LRRC40: variants seen among roughly 807,000 people sequenced by gnomAD.
LRRC40 encodes leucine rich repeat containing 40, also known as leucine-rich repeat-containing protein 40.
A neutral mutation model predicts 72.8 loss-of-function variants in LRRC40; 76 were observed. That is an observed-to-expected ratio of 1.04 (90% CI 0.87 to 1.26). LRRC40 has a LOEUF of 1.26. LRRC40 is among the 50% of genes most tolerant of loss of function. LRRC40 has a pLI of 0.00. For missense variants in LRRC40, 684 were observed against 698.9 expected, an observed-to-expected ratio of 0.98 and a Z score of 0.24; for synonymous variants, 243 against 254.2, an observed-to-expected ratio of 0.96 and a Z score of 0.42.
Position 70,175,906 on chromosome 1 carries a change from A to C in LRRC40, c.881T>G (p.Leu294Arg), listed in dbSNP as rs1668093472. 2 of 1,602,356 alleles carry C rather than the reference A, an allele frequency of 1.2e-6. No individual in the cohort carries two copies. The highest frequency in any genetic ancestry group is 3.5e-5 in the Admixed American group (2 of 57,058). The change falls in exon 7 of 15, where the codon CTA becomes CGA. Residue 294 changes from leucine (L) to arginine (R), a missense_variant. Coordinates refer to ENST00000370952, the MANE Select transcript of LRRC40 (RefSeq NM_017768.5). ...HLKHLNSILV[L>R]DLRDNKLKSV... ...TTTTAACTTGTTATCCCTCAGGTCT[A>C]GCACAAGAATTGAATTCAGATGTTT...
chr1:70,188,348 A>C (rs1436115912), intron 2 of LRRC40, among the ~76,000 whole-genome samples: 1 of 152,144 alleles, frequency 6.6e-6, no homozygotes, highest in African/African-American at 2.4e-5. Flanking sequence ...AAACACAAAA[A>C]AATTAAGTTC....
chr1:70,196,737 T>G (rs566128173), intron 1 of LRRC40, among the ~76,000 whole-genome samples: 1 of 152,182 alleles, frequency 6.6e-6, no homozygotes, highest in African/African-American at 2.4e-5. Context: ...GTGGAGCCAA[T>G]AGCAGGATTG....
chr1:70,164,682 G>T (rs1667841309), intron 9 of LRRC40, among the ~76,000 whole-genome samples: 1 of 152,126 alleles, frequency 6.6e-6, no homozygotes, highest in African/African-American at 2.4e-5. Context: ...ATTCCAACTT[G>T]AGATGCTCTT....
At chr1:70,152,288 T>G (rs1667517925) in intron 12 of LRRC40, 145 bp downstream of exon 12, 1 of 499,344 alleles carries the variant, frequency 2.0e-6, no homozygotes, top group Non-Finnish European at 3.6e-6. Flanking sequence ...AACACTATTT[T>G]TGGATTCTCC....
chr1:70,182,860 C>A (rs537406694), intron 4 of LRRC40, among the ~76,000 whole-genome samples: 1 of 152,054 alleles, frequency 6.6e-6, no homozygotes, highest in Middle Eastern at 3.2e-3. Flanking sequence ...GAACACAATT[C>A]TGAAATGAAA....
intron 1 of LRRC40, among the ~76,000 whole-genome samples, chr1:70,191,124 G>GAA (rs901368397): frequency 7.2e-6 from 1 of 139,850 alleles, no homozygotes; most frequent in African/African-American, 2.6e-5. Flanking sequence ...TGTGACTCTT[G>GAA]AAAAAAAAAA....
chr1:70,167,206 G>A (rs115938246), intron 9 of LRRC40, among the ~76,000 whole-genome samples: 4,390 of 144,828 alleles, frequency 0.03, 85 homozygotes, highest in Non-Finnish European at 0.047. Flanking sequence ...AATCTGCTCC[G>A]CAGAAAAGCT....
rs114533453 is a variant in LRRC40 at position 70,160,132 on chromosome 1, A to C, written c.1112-694T>G. 2.0e-3 allele frequency among the ~76,000 whole-genome samples: 297 copies of C among 152,292 alleles called. 2 individuals carry two copies. Among genetic ancestry groups the C allele is most frequent in the Non-Finnish European group, 3.6e-3 (243 of 68,024 alleles). On this transcript the variant is annotated intron_variant, in intron 9 of 14. Coordinates refer to ENST00000370952, the MANE Select transcript of LRRC40 (RefSeq NM_017768.5). ...AAATGGCTTTGTGTTATTTTTGCAAAAAAGACTTGAACGATAGAGAAGTAA... is the reference window on the plus strand; with the variant it reads ...AAATGGCTTTGTGTTATTTTTGCAACAAAGACTTGAACGATAGAGAAGTAA...
At chr1:70,167,405 CA>C (rs943474966) in intron 9 of LRRC40, among the ~76,000 whole-genome samples, 3 of 151,090 alleles carry the variant, frequency 2.0e-5, no homozygotes, top group East Asian at 2.0e-4. Flanking sequence ...ACTAAAAATA[CA>C]AAAAAAATTA....
At position 70,181,153 on chromosome 1, in the gene LRRC40, A is replaced by C; in HGVS notation, c.594T>G (p.Ser198Arg). ...TVPASFSSLS[S>R]LVRLNLSSNE... is the part of the protein sequence containing the mutation. Reference sequence around the variant, plus strand: ...TACTAGAAAGATTGAGTCGCACCAGACTGGACAGAGAAGAAAAACTAGCAG... The same window carrying C: ...TACTAGAAAGATTGAGTCGCACCAGCCTGGACAGAGAAGAAAAACTAGCAG... The change falls in exon 5 of 15, where the codon AGT becomes AGG. Residue 198 changes from serine (S) to arginine (R), a missense_variant. Ser to Arg is a moderately radical substitution (Grantham distance 110). Coordinates refer to ENST00000370952, the MANE Select transcript of LRRC40 (RefSeq NM_017768.5). 1 of 1,599,932 alleles carries C rather than the reference A, an allele frequency of 6.3e-7. No homozygotes were observed.
chr1:70,197,262 G>A (rs1160763037), intron 1 of LRRC40, among the ~76,000 whole-genome samples: 1 of 151,610 alleles, frequency 6.6e-6, no homozygotes, highest in Non-Finnish European at 1.5e-5. Context: ...CGGGGGGGAG[G>A]AAGATGTATA....
chr1:70,145,678 G>A lies in LRRC40; in HGVS notation c.*122C>T, dbSNP rs1667268317. ...ATTATACCAACAGGTAGGTGATACT[G>A]GGAAACTACAAGATCAATTACAATA... On this transcript the variant is annotated 3_prime_UTR_variant, in exon 15 of 15. Coordinates refer to ENST00000370952, the MANE Select transcript of LRRC40 (RefSeq NM_017768.5). The A allele has an allele frequency of 1.9e-6, 1 of 520,830 alleles. No individual in the cohort carries two copies. Among genetic ancestry groups the A allele is most frequent in the Non-Finnish European group, 3.4e-6 (1 of 289,948 alleles). The allele number at this position is 520,830 out of a possible 1,614,324, so 32.3% of individuals were successfully genotyped here. A position where few individuals can be genotyped will look rare whatever the true frequency, so the allele number is the denominator to read the frequency against.
At chr1:70,180,640 T>C in intron 5 of LRRC40, among the ~76,000 whole-genome samples, 1 of 152,310 alleles carries the variant, frequency 6.6e-6, no homozygotes, top group Middle Eastern at 3.4e-3. Context: ...TTTGACATTT[T>C]GGTTCTTTTA....
At chr1:70,189,403 A>G in intron 1 of LRRC40, 130 bp from the exon 2 acceptor site, 1 of 744,166 alleles carries the variant, frequency 1.3e-6, no homozygotes, top group Non-Finnish European at 2.1e-6. Context: ...TTCTAAAACA[A>G]AAAATAAGTT....
intron 9 of LRRC40, among the ~76,000 whole-genome samples, chr1:70,171,604 A>G (rs1326684198): frequency 3.3e-5 from 5 of 152,202 alleles, no homozygotes; most frequent in African/African-American, 9.6e-5. Context: ...AATACTCATC[A>G]GAAAAATGCA....
chr1:70,189,298 GAAAAAAAAAAA>G (rs745450367), intron 1 of LRRC40, 25 bp from the exon 2 acceptor site: 6 of 763,822 alleles, frequency 7.9e-6, no homozygotes, highest in East Asian at 7.3e-5. Flanking sequence ...ACCACACCAG[GAAAAAAAAAAA>G]AAAAAAAAAA....
At chr1:70,173,542 G>A (rs550635326) in intron 8 of LRRC40, 32 bp from the exon 9 acceptor site, 4 of 1,571,838 alleles carry the variant, frequency 2.5e-6, no homozygotes, top group Non-Finnish European at 3.5e-6. Context: ...CATTCACCAA[G>A]ACATGCTTTG....
chr1:70,166,980 G>A (rs1667895061), intron 9 of LRRC40, among the ~76,000 whole-genome samples: 1 of 151,994 alleles, frequency 6.6e-6, no homozygotes, highest in East Asian at 1.9e-4. Flanking sequence ...AAAGATAAAA[G>A]AGCTATGAAA....
chr1:70,161,768 G>C (rs1217177539), intron 9 of LRRC40, among the ~76,000 whole-genome samples: 2 of 152,048 alleles, frequency 1.3e-5, no homozygotes, highest in East Asian at 3.9e-4. Flanking sequence ...TTAGAAATAA[G>C]AGTAAAAAAC....
Sources: allele counts gnomAD v4.1 joint callset (sites outside exome capture counted in the v4.1 genomes callset), GRCh38; gene constraint gnomAD v4.1.1; transcripts MANE v1.5; gene names NCBI Gene and HGNC (gene_info 2026-07-23, HGNC 2026-07-21).